ATP2A3: variants seen among roughly 807,000 people sequenced by gnomAD.
The protein encoded by ATP2A3 is sarcoplasmic/endoplasmic reticulum calcium ATPase 3.
A neutral mutation model predicts 106.8 loss-of-function variants in ATP2A3; 61 were observed. The ratio of observed to expected loss-of-function variants is 0.57; its 90% CI spans 0.46 to 0.71. The LOEUF is 0.71. ATP2A3 is among the 30% of genes least tolerant of loss of function. ATP2A3 has a pLI of 0.00. For missense variants in ATP2A3, 1,201 were observed against 1,423.5 expected, an observed-to-expected ratio of 0.84 and a Z score of 2.52; for synonymous variants, 611 against 609.3, an observed-to-expected ratio of 1.00 and a Z score of -0.04.
rs771308476 is a variant in ATP2A3, at chr17:3,941,500, C to T, written c.1700G>A (p.Arg567Gln). 28 of 1,613,626 alleles carry T rather than the reference C, an allele frequency of 1.7e-5. No individual in the cohort carries two copies. The highest frequency in any genetic ancestry group is 6.7e-5 in the East Asian group (3 of 44,900). ...GTCCTCCTTCCTTGGGGGCGCGTCC[C>T]GGGTGGCCAGTGCCAGGCAGCGCAG... ...DTLRCLALAT[R>Q]DAPPRKEDME... The change falls in exon 13 of 21, where the codon CGG becomes CAG. Residue 567 changes from arginine to glutamine, a missense_variant. By Grantham distance (43) the Arg-to-Gln change is conservative (BLOSUM62 1). Coordinates refer to ENST00000397041, the MANE Select transcript of ATP2A3 (RefSeq NM_005173.4).
At chr17:3,963,618 C>T (rs1021196620) in intron 1 of ATP2A3, among the ~76,000 whole-genome samples, 2 of 152,180 alleles carry the variant, frequency 1.3e-5, no homozygotes, top group Non-Finnish European at 2.9e-5. Context: ...AAGCCCCCAC[C>T]GACTCCGCCA....
chr17:3,937,951 G>A (rs2053544136), intron 14 of ATP2A3, among the ~76,000 whole-genome samples: 1 of 152,170 alleles, frequency 6.6e-6, no homozygotes, highest in African/African-American at 2.4e-5. Flanking sequence ...ATGTGGGGTA[G>A]AAGATGAAAC....
rs2053463587 is a variant in ATP2A3 at position 3,936,721 on chromosome 17, T to C, written c.2322-252A>G. The C allele has an allele frequency of 2.2e-5, 9 of 408,356 alleles. No individual in the cohort carries two copies. Among genetic ancestry groups the C allele is most frequent in the South Asian group, 1.2e-4 (5 of 41,950 alleles). The allele number at this position is 408,356 out of a possible 1,614,324, so 25.3% of individuals were successfully genotyped here. ...CTCTTTAGGCCTAGCAGAGGCCAAG[T>C]ACACACACACACACACACACACACA... On this transcript the variant is annotated intron_variant, in intron 15 of 20. Coordinates refer to ENST00000397041, the MANE Select transcript of ATP2A3 (RefSeq NM_005173.4). This position sits in a 1 kb window ranked among gnomAD's most constrained non-coding sequence, Gnocchi z 5.4.
At chr17:3,935,383 T>C (rs909359108) in intron 16 of ATP2A3, 106 bp from the exon 17 acceptor site, 10 of 1,093,406 alleles carry the variant, frequency 9.1e-6, no homozygotes, top group Admixed American at 2.0e-5. Context: ...GCCACCCTTT[T>C]CCTCTCTCAG....
intron 7 of ATP2A3, among the ~76,000 whole-genome samples, chr17:3,948,108 A>G (rs552398551): frequency 7.2e-5 from 11 of 152,284 alleles, no homozygotes; most frequent in Non-Finnish European, 1.5e-4. Flanking sequence ...GGGGCCGGGC[A>G]CAGAGGAGGC....
intron 7 of ATP2A3, among the ~76,000 whole-genome samples, chr17:3,949,018 C>G (rs2054269841): frequency 6.6e-6 from 1 of 150,436 alleles, no homozygotes; most frequent in Non-Finnish European, 1.5e-5. Flanking sequence ...ATCCCACCTG[C>G]TTGGGAGGCT....
At position 3,951,289 on chromosome 17, in the gene ATP2A3, G is replaced by A. The variant is rs2144644835; in HGVS notation, c.425C>T (p.Ala142Val). The part of the protein sequence containing the change: ...SDRKGVQRIR[A>V]RDIVPGDIVE... ...AATGTCCCCTGGGACGATGTCCCGG[G>A]CACGGATCCTCTGCACGCCCTTGCG... The change falls in exon 5 of 21, where the codon GCC becomes GTC. Residue 142 changes from alanine to valine, a missense_variant. Ala to Val is a moderately conservative substitution (Grantham distance 64). This residue lies in a region of ATP2A3 where 266 missense variants were observed against 246.8 expected (regional missense o/e 1.08). Transcript: ENST00000397041. The A allele has an allele frequency of 6.2e-7, 1 of 1,613,820 alleles. No homozygotes were observed. Among genetic ancestry groups the A allele is most frequent in the Middle Eastern group, 1.6e-4 (1 of 6,062 alleles).
At position 3,955,182 on chromosome 17, in the gene ATP2A3, G is replaced by A. The variant is rs1207988193; in HGVS notation, c.119-1472C>T. Among the ~76,000 whole-genome samples the A allele has an allele frequency of 1.3e-5, 2 of 152,192 alleles. No individual in the cohort carries two copies. Among genetic ancestry groups the A allele is most frequent in the Admixed American group, 6.5e-5 (1 of 15,276 alleles). On this transcript the variant is annotated intron_variant, in intron 1 of 20. Coordinates refer to ENST00000397041, the MANE Select transcript of ATP2A3 (RefSeq NM_005173.4). This position sits in a 1 kb window ranked among gnomAD's most constrained non-coding sequence, Gnocchi z 4.2. The stretch of plus-strand genomic sequence containing the variant: ...TTAGCCATGCGGAATCTGAGGCCCC[G>A]GCCATGGCTGGCTCTCTTCCACCTC...
chr17:3,956,582 G>A (rs577730036), intron 1 of ATP2A3, among the ~76,000 whole-genome samples: 5 of 152,320 alleles, frequency 3.3e-5, no homozygotes, highest in South Asian at 2.1e-4. Flanking sequence ...TAGCCAAGCG[G>A]CTGGAGCTCT....
rs2052899125 is a variant in ATP2A3, at chr17:3,929,219, C to T, written c.2862+109G>A. On this transcript the variant is annotated intron_variant, in intron 19 of 20. Coordinates refer to ENST00000397041, the MANE Select transcript of ATP2A3 (RefSeq NM_005173.4). The surrounding 1 kb of genome is among the most constrained non-coding windows in gnomAD (Gnocchi z 4.3). The stretch of plus-strand genomic sequence containing the variant: ...GGTGGCTGGCCAGACCTCTCACCTC[C>T]CTCTCCTCCAGGTAGTTTCCATTGC... 6.7e-6 allele frequency: 7 copies of T among 1,052,040 alleles called. No homozygotes were observed. The South Asian group carries it at 1.1e-4, about 16-fold the overall frequency. The allele number at this position is 1,052,040 out of a possible 1,614,324, so 65.2% of individuals were successfully genotyped here.
chr17:3,951,553 G>GGCCCCCC, intron 4 of ATP2A3, 28 bp downstream of exon 4: 1 of 647,358 alleles, frequency 1.5e-6, no homozygotes, highest in Non-Finnish European at 2.1e-6. Context: ...ACCGCCCCCC[G>GGCCCCCC]CCCGGTCCCA....
At chr17:3,943,282 AAAAAC>A in intron 11 of ATP2A3, 104 bp downstream of exon 11, 2 of 1,526,080 alleles carry the variant, frequency 1.3e-6, no homozygotes, top group Non-Finnish European at 1.8e-6. Context: ...AAAAAAAAAA[AAAAAC>A]AAAACGAAAC....
chr17:3,932,565 A>G (rs2144302758), intron 17 of ATP2A3, among the ~76,000 whole-genome samples: 1 of 152,012 alleles, frequency 6.6e-6, no homozygotes, highest in South Asian at 2.1e-4. Context: ...GCAGCCTCCC[A>G]AGTAGCTGAG....
chr17:3,927,283 G>A, intron 20 of ATP2A3: 1 of 985,492 alleles, frequency 1.0e-6, no homozygotes, highest in Non-Finnish European at 1.2e-6. Context: ...TTCCGTGCTG[G>A]CTGAGACATT....
rs746924398 is a variant in ATP2A3 at position 3,951,297 on chromosome 17, C to T, written c.417G>A (p.Arg139=). 9 of 1,613,876 alleles carry T rather than the reference C, an allele frequency of 5.6e-6. No homozygotes were observed. The highest frequency in any genetic ancestry group is 7.6e-6 in the Non-Finnish European group (9 of 1,180,002). ...CTGGGACGATGTCCCGGGCACGGAT[C>T]CTCTGCACGCCCTTGCGGTCCGAGC... ...VIRSDRKGVQ[R]IRARDIVPGD... Residue 139 remains arginine, a synonymous_variant, in exon 5 of 21, where the codon AGG becomes AGA. Coordinates refer to ENST00000397041, the MANE Select transcript of ATP2A3 (RefSeq NM_005173.4).
intron 7 of ATP2A3, among the ~76,000 whole-genome samples, chr17:3,948,895 A>G (rs1185641533): frequency 6.6e-6 from 1 of 152,032 alleles, no homozygotes; most frequent in African/African-American, 2.4e-5. Flanking sequence ...TTGGGAGGCC[A>G]AGGCGGGCAG....
chr17:3,953,158 A>G lies in ATP2A3; in HGVS notation c.219+189T>C. ...GGGGTCAGGTGGGAGCCGGGGACCC[A>G]ATGTAGGGGCCATGAGGGTTCAGGC... On this transcript the variant is annotated intron_variant, in intron 3 of 20. Transcript: ENST00000397041. The surrounding 1 kb of genome is among the most constrained non-coding windows in gnomAD (Gnocchi z 5.1). 1 of 660,576 alleles carries G rather than the reference A, an allele frequency of 1.5e-6. No individual in the cohort carries two copies. The highest frequency in any genetic ancestry group is 1.7e-5 in the South Asian group (1 of 58,764). The allele number at this position is 660,576 out of a possible 1,614,324, so 40.9% of individuals were successfully genotyped here.
At position 3,964,268 on chromosome 17, in the gene ATP2A3, C is replaced by T. The variant is rs1372953420; in HGVS notation, c.24G>A (p.Pro8=). MEAAHLL[P]AADVLRHFSV... is the part of the protein sequence containing the mutation. ...AGAAGTGGCGCAGCACGTCGGCGGC[C>T]GGGAGCAGATGCGCCGCCTCCATGC... The change falls in exon 1 of 21, where the codon CCG becomes CCA. Residue 8 remains proline (P), a synonymous_variant. Transcript: ENST00000397041. 1.6e-6 allele frequency: 2 copies of T among 1,283,446 alleles called. No homozygotes were observed. The highest frequency in any genetic ancestry group is 1.7e-5 in the South Asian group (1 of 59,936). 79.5% of individuals were successfully genotyped at this position (1,283,446 alleles called of 1,614,324 possible). A position where few individuals can be genotyped will look rare whatever the true frequency, so the allele number is the denominator to read the frequency against.
chr17:3,926,849 G>A lies in ATP2A3; in HGVS notation c.2981-1408C>T, dbSNP rs1298574925. The A allele has an allele frequency of 4.1e-6, 4 of 985,244 alleles. No individual in the cohort carries two copies. Among genetic ancestry groups the A allele is most frequent in the Non-Finnish European group, 4.8e-6 (4 of 829,884 alleles). The allele number at this position is 985,244 out of a possible 1,614,324, so 61.0% of individuals were successfully genotyped here. On this transcript the variant is annotated intron_variant, in intron 20 of 20. Transcript: ENST00000397041. The surrounding 1 kb of genome is among the most constrained non-coding windows in gnomAD (Gnocchi z 4.6). ...CTCCCAAAGTGCTGGGATGACAGGTGTGAGCCACTGCACCCGGCCCGTTAG... is the reference window on the plus strand; with the variant it reads ...CTCCCAAAGTGCTGGGATGACAGGTATGAGCCACTGCACCCGGCCCGTTAG...
Sources: allele counts gnomAD v4.1 joint callset (sites outside exome capture counted in the v4.1 genomes callset), GRCh38; gene constraint gnomAD v4.1.1; regional missense constraint gnomAD v4.1.1; non-coding constraint Gnocchi (gnomAD v3.1); transcripts MANE v1.5; gene names NCBI Gene and HGNC (gene_info 2026-07-23, HGNC 2026-07-21).